ENAH: variants seen among roughly 807,000 people sequenced by gnomAD.
ENAH encodes ENAH actin regulator, also known as protein enabled homolog.
ENAH carries 23 observed loss-of-function variants against 78.7 expected under a neutral mutation model. The observed-to-expected ratio is 0.29, with a 90% CI of 0.21 to 0.41. The LOEUF is 0.41. ENAH is among the 10% of genes least tolerant of loss of function. The probability of loss-of-function intolerance (pLI) is 1.00; values close to 1 mark genes in which losing one functional copy is unlikely to be tolerated. For synonymous variants in ENAH, 226 were observed against 241.0 expected (o/e 0.94, Z 0.58); for missense variants, 544 against 691.0 (o/e 0.79, Z 2.39).
chr1:225,541,695 T>C (rs1480238657), intron 3 of ENAH, among the ~76,000 whole-genome samples: 3 of 152,188 alleles, frequency 2.0e-5, no homozygotes, highest in Admixed American at 6.5e-5. Flanking sequence ...TTAGAGGTGA[T>C]TGGTGGAATT....
rs1269826949 is a variant in ENAH at position 225,490,170 on chromosome 1, CTG to C, written c.*7603_*7604del. 1 of 152,184 alleles carries C rather than the reference CTG, an allele frequency of 6.6e-6. No individual in the cohort carries two copies. Among genetic ancestry groups the C allele is most frequent in the African/African-American group, 2.4e-5 (1 of 41,416 alleles). 9.4% of individuals were successfully genotyped at this position (152,184 alleles called of 1,614,324 possible). ...AACTCCACACACAAAAAAGGACAGA[CTG>C]AGAGAGACTGAGGGCGGGAGGAACA... is the stretch of plus-strand genomic sequence containing the variant. On this transcript the variant is annotated 3_prime_UTR_variant, in exon 14 of 14. Transcript: ENST00000366843.
chr1:225,652,359 C>T, intron 1 of ENAH: 2 of 985,428 alleles, frequency 2.0e-6, no homozygotes, highest in African/African-American at 1.7e-5. Context: ...TCGAACCCCT[C>T]CCCATCTCCC....
chr1:225,608,126 T>C (rs1442917174), intron 1 of ENAH, among the ~76,000 whole-genome samples: 2 of 146,630 alleles, frequency 1.4e-5, no homozygotes, highest in Admixed American at 1.4e-4. Flanking sequence ...ATAAGAATGA[T>C]TAAAAGAAAC....
intron 1 of ENAH, among the ~76,000 whole-genome samples, chr1:225,632,044 T>C (rs1262772564): frequency 6.6e-6 from 1 of 152,242 alleles, no homozygotes; most frequent in Non-Finnish European, 1.5e-5. Context: ...TTTCACAAAA[T>C]TCTACTTCAC....
chr1:225,575,719 C>T (rs185625679), intron 1 of ENAH, among the ~76,000 whole-genome samples: 1 of 152,276 alleles, frequency 6.6e-6, no homozygotes, highest in East Asian at 1.9e-4. Context: ...AAAACAAGAA[C>T]TTATTTCCTG....
intron 3 of ENAH, among the ~76,000 whole-genome samples, chr1:225,537,295 C>T (rs944582277): frequency 6.6e-6 from 1 of 152,132 alleles, no homozygotes; most frequent in Non-Finnish European, 1.5e-5. Flanking sequence ...CTGCGTAAGA[C>T]AAAACATTTC....
chr1:225,645,982 T>G (rs573283871), intron 1 of ENAH, among the ~76,000 whole-genome samples: 3 of 152,314 alleles, frequency 2.0e-5, no homozygotes, highest in Admixed American at 6.5e-5. Flanking sequence ...CTTTAATCAT[T>G]GTAAAATAGA....
At chr1:225,540,366 A>G (rs1451684258) in intron 3 of ENAH, among the ~76,000 whole-genome samples, 1 of 152,236 alleles carries the variant, frequency 6.6e-6, no homozygotes, top group Non-Finnish European at 1.5e-5. Context: ...TAACCAAGAT[A>G]GGTGTTTTTA....
intron 11 of ENAH, among the ~76,000 whole-genome samples, chr1:225,503,953 T>C (rs1575313318): frequency 6.6e-6 from 1 of 151,966 alleles, no homozygotes. Flanking sequence ...TTCTAACCTA[T>C]GGGTTTTCAT....
chr1:225,645,537 C>T (rs894470535), intron 1 of ENAH, among the ~76,000 whole-genome samples: 3 of 152,128 alleles, frequency 2.0e-5, no homozygotes, highest in Non-Finnish European at 4.4e-5. Flanking sequence ...GTTTTCATTT[C>T]TAGGAAAGGA....
intron 3 of ENAH, among the ~76,000 whole-genome samples, chr1:225,551,585 T>G (rs911266991): frequency 6.6e-6 from 1 of 152,086 alleles, no homozygotes; most frequent in African/African-American, 2.4e-5. Flanking sequence ...TCAGAGAAGC[T>G]CCATATTTTC....
At position 225,517,197 on chromosome 1, in the gene ENAH, C is replaced by T; in HGVS notation, c.912G>A (p.Gln304=). The T allele has an allele frequency of 6.5e-7, 1 of 1,530,298 alleles. No homozygotes were observed. The highest frequency in any genetic ancestry group is 8.8e-7 in the Non-Finnish European group (1 of 1,136,984). The allele number at this position is 1,530,298 out of a possible 1,614,324, so 94.8% of individuals were successfully genotyped here. Residue 304 remains glutamine, a splice_region_variant and synonymous_variant, in exon 6 of 14, where the codon CAG becomes CAA. Coordinates refer to ENST00000366843, the MANE Select transcript of ENAH (RefSeq NM_018212.6). The part of the protein sequence containing the change: ...ASQPAETPSQ[Q]GIVLGPLAPP... The stretch of plus-strand genomic sequence containing the variant: ...TAGTAGCAATAATGAAAGCCTTACC[C>T]TGTTGGGATGGAGTCTCGGCCGGCT...
chr1:225,526,594 C>A (rs1328799573), intron 4 of ENAH, among the ~76,000 whole-genome samples: 2 of 151,756 alleles, frequency 1.3e-5, no homozygotes, highest in Non-Finnish European at 2.9e-5. Flanking sequence ...ACCTCAGCCT[C>A]CCAAAGTGCT....
chr1:225,604,750 G>A (rs1210040069), intron 1 of ENAH, among the ~76,000 whole-genome samples: 4 of 151,986 alleles, frequency 2.6e-5, no homozygotes, highest in Admixed American at 6.6e-5. Flanking sequence ...CCGAGATTGC[G>A]CCATTGCACT....
rs999740789 is a variant in ENAH, at chr1:225,518,975, A to G, written c.802+223T>C. The G allele has an allele frequency of 2.5e-5, 17 of 691,680 alleles. No homozygotes were observed. The Admixed American group carries it at 5.4e-4, about 22-fold the overall frequency. 42.8% of individuals were successfully genotyped at this position (691,680 alleles called of 1,614,324 possible). A position where few individuals can be genotyped will look rare whatever the true frequency, so the allele number is the denominator to read the frequency against. On this transcript the variant is annotated intron_variant, in intron 5 of 13. Transcript: ENST00000366843. ...TAGAAGAATTAGAATGGCAGAATAA[A>G]AATTTCCAAGAGCTTTCTTTAAGTC...
At chr1:225,564,728 C>T (rs1022875150) in intron 2 of ENAH, among the ~76,000 whole-genome samples, 9 of 152,088 alleles carry the variant, frequency 5.9e-5, no homozygotes, top group African/African-American at 1.2e-4. Context: ...TGAGCCACCA[C>T]GCCAGCTAGT....
At position 225,497,040 on chromosome 1, in the gene ENAH, T is replaced by A. The variant is rs150637090; in HGVS notation, c.*735A>T. 1 of 152,674 alleles carries A rather than the reference T, an allele frequency of 6.5e-6. No homozygotes were observed. Among genetic ancestry groups the A allele is most frequent in the African/African-American group, 2.4e-5 (1 of 41,460 alleles). 9.5% of individuals were successfully genotyped at this position (152,674 alleles called of 1,614,324 possible). A position where few individuals can be genotyped will look rare whatever the true frequency, so the allele number is the denominator to read the frequency against. On this transcript the variant is annotated 3_prime_UTR_variant, in exon 14 of 14. Coordinates refer to ENST00000366843, the MANE Select transcript of ENAH (RefSeq NM_018212.6). ...ACTGGTTTGTGTTATGTAGAAGTCA[T>A]AGATTTGGTAAAGCATTGTAACAAT...
At chr1:225,519,136 T>TG (rs1182132122) in intron 5 of ENAH, 62 bp downstream of exon 5, 2 of 1,568,018 alleles carry the variant, frequency 1.3e-6, no homozygotes, top group Non-Finnish European at 1.7e-6. Flanking sequence ...AACACATGAC[T>TG]GCACAAGAGA....
intron 1 of ENAH, among the ~76,000 whole-genome samples, chr1:225,649,051 G>A (rs1160650977): frequency 6.6e-6 from 1 of 151,920 alleles, no homozygotes; most frequent in Non-Finnish European, 1.5e-5. Flanking sequence ...AAATAGGCCT[G>A]GAAACAGGAG....
Sources: gnomAD v4.1 joint callset for allele counts (sites outside exome capture counted in the v4.1 genomes callset) on GRCh38, gnomAD v4.1.1 for gene constraint, MANE v1.5 for transcripts, NCBI Gene and HGNC (gene_info 2026-07-23, HGNC 2026-07-21) for gene names.